GRK3: variants seen among roughly 807,000 people sequenced by gnomAD.
GRK3 encodes the protein adrenergic, beta, receptor kinase 2.
GRK3 carries 54 observed loss-of-function variants against 95.7 expected under a neutral mutation model. That is an observed-to-expected ratio of 0.56 (90% CI 0.45 to 0.71). The LOEUF (loss-of-function observed/expected upper bound fraction) is 0.71. Among genes scored for constraint, GRK3 ranks in the 30% least tolerant of loss-of-function variants. The probability of loss-of-function intolerance (pLI) is 0.00; values close to 1 mark genes in which losing one functional copy is unlikely to be tolerated. For missense variants in GRK3, 649 were observed against 851.2 expected (o/e 0.76, Z 2.96); for synonymous variants, 281 against 290.8 (o/e 0.97, Z 0.34).
chr22:25,574,512 C>G (rs1916651857), intron 1 of GRK3, among the ~76,000 whole-genome samples: 1 of 152,086 alleles, frequency 6.6e-6, no homozygotes, highest in Non-Finnish European at 1.5e-5. Flanking sequence ...CAAATAAAAC[C>G]AAAAACTAAA....
intron 1 of GRK3, among the ~76,000 whole-genome samples, chr22:25,573,874 G>C (rs145792526): frequency 3.3e-5 from 5 of 152,090 alleles, no homozygotes; most frequent in Non-Finnish European, 5.9e-5. Flanking sequence ...ACTCCAGTCC[G>C]TGTGGCAAGA....
In GRK3 at chr22:25,607,133, C is replaced by G. The variant is rs1031307132; in HGVS notation, c.190+2680C>G. On this transcript the variant is annotated intron_variant, in intron 2 of 20. Transcript: ENST00000324198. ...ATATTTACATCACCTAGATTTGATA[C>G]ATTTCACCATTTTGCTATACTTTGT... 3.3e-5 allele frequency among the ~76,000 whole-genome samples: 5 copies of G among 152,046 alleles called. No individual in the cohort carries two copies. The East Asian group carries it at 9.6e-4, about 29-fold the overall frequency.
At chr22:25,590,111 AC>A (rs143594243) in intron 1 of GRK3, among the ~76,000 whole-genome samples, 5,607 of 152,178 alleles carry the variant, frequency 0.037, 203 homozygotes, top group African/African-American at 0.085. Context: ...TTTTATCTAT[AC>A]CTCCTATTTC....
intron 8 of GRK3, among the ~76,000 whole-genome samples, chr22:25,677,374 T>G (rs1363377192): frequency 1.6e-5 from 1 of 62,800 alleles, no homozygotes; most frequent in African/African-American, 6.7e-5. Flanking sequence ...AGACCCCATA[T>G]CTTAAAAAAA....
At chr22:25,594,794 C>T (rs778513498) in intron 1 of GRK3, among the ~76,000 whole-genome samples, 62 of 151,954 alleles carry the variant, frequency 4.1e-4, no homozygotes, top group Non-Finnish European at 7.4e-4. Context: ...AGGAGAATGG[C>T]GTGAACCCAG....
Position 25,639,640 on chromosome 22 carries a change from G to A in GRK3, c.191-4952G>A, listed in dbSNP as rs116676408. ...GTTCTTCTTTCTTAAGATGTTTTGGGTATTCTAGGTTTTTTGCATTTCCAT... is the reference window on the plus strand; with the variant it reads ...GTTCTTCTTTCTTAAGATGTTTTGGATATTCTAGGTTTTTTGCATTTCCAT... On this transcript the variant is annotated intron_variant, in intron 2 of 20. Transcript: ENST00000324198. Among the ~76,000 whole-genome samples, 860 of 152,156 alleles carry A rather than the reference G, an allele frequency of 5.7e-3. 10 individuals are homozygous for A. Among genetic ancestry groups the A allele is most frequent in the African/African-American group, 0.019 (773 of 41,522 alleles).
At chr22:25,659,922 A>G (rs2084899091) in intron 3 of GRK3, among the ~76,000 whole-genome samples, 4 of 152,194 alleles carry the variant, frequency 2.6e-5, no homozygotes, top group Admixed American at 2.6e-4. Flanking sequence ...TTGTTTAACC[A>G]GGTGTCAATT....
intron 2 of GRK3, among the ~76,000 whole-genome samples, chr22:25,606,141 C>T (rs1351698924): frequency 6.6e-6 from 1 of 152,234 alleles, no homozygotes; most frequent in Non-Finnish European, 1.5e-5. Context: ...CTGAGTATCT[C>T]AGTTGCACGG....
intron 1 of GRK3, among the ~76,000 whole-genome samples, chr22:25,584,299 G>A (rs1402481740): frequency 6.6e-6 from 1 of 152,270 alleles, no homozygotes; most frequent in Non-Finnish European, 1.5e-5. Flanking sequence ...TAACTTGCAT[G>A]CCATTTTGAC....
chr22:25,716,765 CA>C (rs1333449148), intron 18 of GRK3, among the ~76,000 whole-genome samples: 1 of 152,200 alleles, frequency 6.6e-6, no homozygotes, highest in Admixed American at 6.5e-5. Flanking sequence ...AGCCATACAG[CA>C]GGGGTTCCCA....
chr22:25,647,406 G>A, intron 3 of GRK3: 2 of 1,324,884 alleles, frequency 1.5e-6, no homozygotes, highest in Non-Finnish European at 2.2e-6. Flanking sequence ...AAAGGGAACA[G>A]CAGTTAATTT....
At chr22:25,708,197 A>C (rs1366799150) in intron 15 of GRK3, among the ~76,000 whole-genome samples, 2 of 152,098 alleles carry the variant, frequency 1.3e-5, no homozygotes, top group African/African-American at 4.8e-5. Context: ...CAGTGAGCCG[A>C]GATGGCGCCA....
At chr22:25,617,350 A>G (rs2084547534) in intron 2 of GRK3, among the ~76,000 whole-genome samples, 1 of 152,174 alleles carries the variant, frequency 6.6e-6, no homozygotes, top group Admixed American at 6.5e-5. Flanking sequence ...GAAATGGAAT[A>G]GCTTGCTGGG....
chr22:25,648,823 A>T, intron 3 of GRK3: 1 of 1,165,702 alleles, frequency 8.6e-7, no homozygotes, highest in Admixed American at 1.7e-5. Flanking sequence ...GTAGGAGAAA[A>T]TCTTCTGTGC....
At chr22:25,713,118 A>C (rs1267931563) in intron 17 of GRK3, among the ~76,000 whole-genome samples, 1 of 152,232 alleles carries the variant, frequency 6.6e-6, no homozygotes, top group Non-Finnish European at 1.5e-5. Flanking sequence ...AGTGTCTATT[A>C]AACAGAGTTG....
chr22:25,695,984 C>T (rs1242279560), intron 13 of GRK3, among the ~76,000 whole-genome samples: 7 of 152,130 alleles, frequency 4.6e-5, no homozygotes, highest in African/African-American at 1.7e-4. Flanking sequence ...CAGGCGCCTG[C>T]CACCACGCCA....
At chr22:25,617,698 A>G (rs1181752124) in intron 2 of GRK3, among the ~76,000 whole-genome samples, 1 of 152,202 alleles carries the variant, frequency 6.6e-6, no homozygotes, top group African/African-American at 2.4e-5. Flanking sequence ...CAAACAGTAC[A>G]TGCTCTTTTG....
At chr22:25,682,826 TC>T (rs1158936186) in intron 9 of GRK3, among the ~76,000 whole-genome samples, 1 of 152,234 alleles carries the variant, frequency 6.6e-6, no homozygotes. Context: ...TTTGTGCCTC[TC>T]CCAGTCACTA....
chr22:25,716,687 A>G (rs1162554703), intron 18 of GRK3, among the ~76,000 whole-genome samples: 1 of 152,220 alleles, frequency 6.6e-6, no homozygotes, highest in Non-Finnish European at 1.5e-5. Flanking sequence ...TCGACCAACC[A>G]TGATCAAAAA....
Sources: allele counts gnomAD v4.1 joint callset (sites outside exome capture counted in the v4.1 genomes callset), GRCh38; gene constraint gnomAD v4.1.1; transcripts MANE v1.5; gene names NCBI Gene and HGNC (gene_info 2026-07-23, HGNC 2026-07-21).